FGF13: variants seen among roughly 807,000 people sequenced by gnomAD.
The protein encoded by FGF13 is fibroblast growth factor 13, also known as fibroblast growth factor homologous factor 2.
Under a neutral mutation model 19.5 loss-of-function variants are expected in FGF13, and 2 were observed. That is an observed-to-expected ratio of 0.10 (90% CI 0.04 to 0.32). FGF13 has a LOEUF of 0.32. FGF13 is among the 10% of genes least tolerant of loss of function. The pLI is 1.00. For missense variants in FGF13, 113 were observed against 192.7 expected (o/e 0.59, Z 2.45); for synonymous variants, 72 against 76.9 (o/e 0.94, Z 0.33).
At chrX:138,994,498 C>A (rs764686864) in intron 1 of FGF13, among the ~76,000 whole-genome samples, 1 of 111,563 alleles carries the variant, frequency 9.0e-6, no homozygotes, top group Non-Finnish European at 1.9e-5. Flanking sequence ...AAAATAAATA[C>A]ATTTTAAACA....
At chrX:139,070,417 A>T (rs903656552) in intron 1 of FGF13, among the ~76,000 whole-genome samples, 40 of 112,600 alleles carry the variant, frequency 3.6e-4, no homozygotes, top group African/African-American at 1.2e-3. Flanking sequence ...GCAAATCAAA[A>T]CCACAATGAG....
intron 3 of FGF13, among the ~76,000 whole-genome samples, chrX:138,750,829 G>C (rs1301091484): frequency 9.0e-6 from 1 of 110,970 alleles, no homozygotes; most frequent in Non-Finnish European, 1.9e-5. Context: ...GGGGTGTGGA[G>C]ATGGATGAGC....
intron 3 of FGF13, among the ~76,000 whole-genome samples, chrX:138,836,318 C>G (rs1371489198): frequency 8.9e-6 from 1 of 112,002 alleles, no homozygotes; most frequent in Non-Finnish European, 1.9e-5. Flanking sequence ...CTTTCAGGTA[C>G]ATCAATCGGT....
chrX:138,820,862 GAGAAT>G (rs2090995239), intron 3 of FGF13, among the ~76,000 whole-genome samples: 1 of 110,969 alleles, frequency 9.0e-6, no homozygotes, highest in Non-Finnish European at 1.9e-5. Context: ...CTAGATAATG[GAGAAT>G]AGTCCAGTGC....
At chrX:139,149,995 G>A (rs2083920501) in intron 1 of FGF13, among the ~76,000 whole-genome samples, 1 of 111,542 alleles carries the variant, frequency 9.0e-6, no homozygotes. Context: ...ATTTACAGGA[G>A]AACTCCTCAA....
chrX:139,100,039 CAA>C (rs1435926911), intron 1 of FGF13, among the ~76,000 whole-genome samples: 1 of 70,084 alleles, frequency 1.4e-5, no homozygotes, highest in Non-Finnish European at 2.7e-5. Flanking sequence ...CTGGGGAAAG[CAA>C]ACACACACAC....
chrX:139,011,361 CA>C (rs3047329), intron 1 of FGF13, among the ~76,000 whole-genome samples: 2,391 of 82,827 alleles, frequency 0.029, 47 homozygotes, highest in African/African-American at 0.059. Flanking sequence ...AACAAACAAA[CA>C]AAAAAAAAAA....
chrX:138,892,004 G>GTT (rs1428621652), intron 1 of FGF13, among the ~76,000 whole-genome samples: 1 of 97,930 alleles, frequency 1.0e-5, no homozygotes, highest in Non-Finnish European at 1.9e-5. Flanking sequence ...ATATACATAT[G>GTT]TGTGTGTGTG....
At chrX:138,810,875 C>G (rs2090916978) in intron 3 of FGF13, among the ~76,000 whole-genome samples, 1 of 111,796 alleles carries the variant, frequency 8.9e-6, no homozygotes, top group Non-Finnish European at 1.9e-5. Context: ...CAGAGAAATG[C>G]AAATCAAAAC....
chrX:138,813,481 C>A (rs2090941032), intron 3 of FGF13, among the ~76,000 whole-genome samples: 1 of 111,934 alleles, frequency 8.9e-6, no homozygotes, highest in African/African-American at 3.2e-5. Context: ...TGAAACAACA[C>A]CTGCCTCCTT....
chrX:138,632,779 G>A lies in FGF13; in HGVS notation c.*71C>T. On this transcript the variant is annotated 3_prime_UTR_variant, in exon 5 of 5. Transcript: ENST00000315930. Reference sequence around the variant, plus strand: ...GACAAATTTGAACTTTTGGGTGAAGGACTGCTAGAAGAATTCAACAGCACC... The same window carrying A: ...GACAAATTTGAACTTTTGGGTGAAGAACTGCTAGAAGAATTCAACAGCACC... 1 of 1,112,877 alleles carries A rather than the reference G, an allele frequency of 9.0e-7. No individual in the cohort carries two copies. Among genetic ancestry groups the A allele is most frequent in the Non-Finnish European group, 1.2e-6 (1 of 828,906 alleles). 91.7% of individuals were successfully genotyped at this position (1,112,877 alleles called of 1,213,427 possible).
chrX:139,122,400 C>A, intron 1 of FGF13, among the ~76,000 whole-genome samples: 1 of 111,207 alleles, frequency 9.0e-6, no homozygotes, highest in Non-Finnish European at 1.9e-5. Flanking sequence ...GATTCTCATT[C>A]AAGAACCTGC....
intron 1 of FGF13, among the ~76,000 whole-genome samples, chrX:139,112,711 T>C (rs1268183667): frequency 2.7e-5 from 3 of 112,057 alleles, no homozygotes; most frequent in Non-Finnish European, 3.8e-5. Flanking sequence ...TAATAATACC[T>C]GCCTTATAGG....
intron 1 of FGF13, among the ~76,000 whole-genome samples, chrX:139,124,944 G>A (rs922093695): frequency 8.9e-6 from 1 of 111,752 alleles, no homozygotes; most frequent in South Asian, 3.8e-4. Context: ...AAGAGGGTGC[G>A]ACTGCTAACT....
chrX:139,001,883 T>G (rs960082128), intron 1 of FGF13, among the ~76,000 whole-genome samples: 1 of 111,863 alleles, frequency 8.9e-6, no homozygotes, highest in Non-Finnish European at 1.9e-5. Context: ...TAAAGACACA[T>G]GCACACATAT....
intron 3 of FGF13, among the ~76,000 whole-genome samples, chrX:138,648,899 C>T (rs903749799): frequency 1.8e-5 from 2 of 112,101 alleles, no homozygotes; most frequent in South Asian, 7.5e-4. Flanking sequence ...GAAGACTTTT[C>T]ACAGCATCAA....
chrX:138,950,095 T>C (rs775325749), intron 1 of FGF13, among the ~76,000 whole-genome samples: 4 of 111,912 alleles, frequency 3.6e-5, no homozygotes, highest in African/African-American at 9.7e-5. Context: ...ACTAGAATCA[T>C]TCAAATATGT....
At chrX:138,975,531 TA>T (rs780493273) in intron 1 of FGF13, among the ~76,000 whole-genome samples, 190 of 98,033 alleles carry the variant, frequency 1.9e-3, no homozygotes, top group African/African-American at 2.6e-3. Context: ...TAAAGTATAA[TA>T]AAAAAAAAAA....
At chrX:138,801,057 C>T (rs978146845) in intron 3 of FGF13, among the ~76,000 whole-genome samples, 6 of 112,009 alleles carry the variant, frequency 5.4e-5, no homozygotes, top group Non-Finnish European at 9.4e-5. Flanking sequence ...TTTGTTATTA[C>T]CCATCTTCTG....
Sources: allele counts gnomAD v4.1 joint callset (sites outside exome capture counted in the v4.1 genomes callset), GRCh38; gene constraint gnomAD v4.1.1; transcripts MANE v1.5; gene names NCBI Gene and HGNC (gene_info 2026-07-23, HGNC 2026-07-21).